The following PLCXD1 variants were observed in gnomAD, a reference collection of about 807,000 sequenced individuals.
PLCXD1 encodes phosphatidylinositol specific phospholipase C X domain containing 1.
In PLCXD1, 45 loss-of-function variants were observed where a neutral mutation model predicts 37.8. The ratio of observed to expected loss-of-function variants is 1.19; its 90% CI spans 0.94 to 1.53. The LOEUF is 1.53. Among genes scored for constraint, PLCXD1 ranks in the 40% most tolerant of loss-of-function variants. The pLI, the probability that PLCXD1 is intolerant of heterozygous loss-of-function variation, is 0.00. For synonymous variants in PLCXD1, 246 were observed against 206.9 expected, an observed-to-expected ratio of 1.19 and a Z score of -1.62; for missense variants, 539 against 454.7, an observed-to-expected ratio of 1.19 and a Z score of -1.69.
At chrX:282,534 G>A (rs1450255339) in intron 1 of PLCXD1, among the ~76,000 whole-genome samples, 3 of 149,882 alleles carry the variant, frequency 2.0e-5, no homozygotes, top group East Asian at 2.0e-4. Flanking sequence ...GTGAAACCCC[G>A]TCTCTACCAA....
At chrX:290,593 G>C (rs1455245954) in intron 3 of PLCXD1, 55 bp from the exon 4 acceptor site, 16 of 1,601,828 alleles carry the variant, frequency 1.0e-5, no homozygotes, top group Non-Finnish European at 1.3e-5. Context: ...CCATTCCTGA[G>C]CCCCCCAGAC....
chrX:296,372 C>T (rs1364661507), intron 6 of PLCXD1, among the ~76,000 whole-genome samples: 1 of 152,130 alleles, frequency 6.6e-6, no homozygotes, highest in African/African-American at 2.4e-5. Flanking sequence ...ATCCACCGGC[C>T]TCAACCTCTC....
intron 2 of PLCXD1, among the ~76,000 whole-genome samples, chrX:287,473 T>C (rs963475523): frequency 7.6e-6 from 1 of 131,836 alleles, no homozygotes; most frequent in Admixed American, 7.8e-5. Flanking sequence ...GAATATATAC[T>C]ATATATGTTT....
In PLCXD1 at chrX:284,167, G is replaced by A. The variant is rs371752242; in HGVS notation, c.-21G>A. ...CTCTTTTCCTCTTCTCCTTCCTCAG[G>A]TTGCCCAGGGCTCACCTCTGATGGG... On this transcript the variant is annotated splice_region_variant and 5_prime_UTR_variant, in exon 2 of 7. Coordinates refer to ENST00000381657, the MANE Select transcript of PLCXD1 (RefSeq NM_018390.4). 1.2e-6 allele frequency: 2 copies of A among 1,612,320 alleles called. No individual in the cohort carries two copies. Among genetic ancestry groups the A allele is most frequent in the Middle Eastern group, 2.0e-4 (1 of 5,102 alleles).
In PLCXD1 at chrX:293,039, T is replaced by C. The variant is rs778974032; in HGVS notation, c.554T>C (p.Val185Ala). Residue 185 changes from valine (V) to alanine (A), a missense_variant, in exon 6 of 7, where the codon GTG (valine) becomes GCG (alanine). Coordinates refer to ENST00000381657, the MANE Select transcript of PLCXD1 (RefSeq NM_018390.4). ...CTTAACTCTGGTCCTTTGCAGGAGG[T>C]GCCGACACTGCGGCAGCTGTGGTCC... is the stretch of plus-strand genomic sequence containing the variant. ...FGDMLCPRGE[V>A]PTLRQLWSRG... 1 of 1,606,010 alleles carries C rather than the reference T, an allele frequency of 6.2e-7. No homozygotes were observed. The highest frequency in any genetic ancestry group is 8.5e-7 in the Non-Finnish European group (1 of 1,175,592).
upstream of PLCXD1, chrX:281,102 G>T (rs867843683): frequency 1.5e-5 from 1 of 65,066 alleles, no homozygotes; most frequent in Non-Finnish European, 3.1e-5. Context: ...GGGGAGGGGG[G>T]GCCGTGCAGG....
At position 285,396 on chromosome X, in the gene PLCXD1, G is replaced by A. The variant is rs968884982; in HGVS notation, c.127+1082G>A. On this transcript the variant is annotated intron_variant, in intron 2 of 6. Transcript: ENST00000381657. ...CATGTATATATATATTTGCACCTAT[G>A]CACACATATATACACCTGCAGATAT... Among the ~76,000 whole-genome samples, 6 of 150,252 alleles carry A rather than the reference G, an allele frequency of 4.0e-5. No homozygotes were observed. In the East Asian group the frequency reaches 1.2e-3, roughly 30 times the overall value.
chrX:283,375 G>A (rs2069336912), intron 1 of PLCXD1: 1 of 152,154 alleles, frequency 6.6e-6, no homozygotes, highest in African/African-American at 2.4e-5. Context: ...TACGGTGCCT[G>A]GAGGAGGCGT....
At position 300,688 on chromosome X, in the gene PLCXD1, A is replaced by G. The variant is rs1000481119; in HGVS notation, c.*1353A>G. On this transcript the variant is annotated 3_prime_UTR_variant, in exon 7 of 7. Transcript: ENST00000381657. The stretch of plus-strand genomic sequence containing the variant: ...CGTATACATATATACGTGCGTGTGT[A>G]TGTGTATATATATATATGTGTATAT... 2 of 151,678 alleles carry G rather than the reference A, an allele frequency of 1.3e-5. No homozygotes were observed. The highest frequency in any genetic ancestry group is 2.1e-4 in the South Asian group (1 of 4,816). The allele number at this position is 151,678 out of a possible 1,614,324, so 9.4% of individuals were successfully genotyped here. A position where few individuals can be genotyped will look rare whatever the true frequency, so the allele number is the denominator to read the frequency against.
chrX:280,333 G>C (rs2069237772), upstream of PLCXD1, among the ~76,000 whole-genome samples: 4 of 102,054 alleles, frequency 3.9e-5, no homozygotes, highest in East Asian at 3.0e-4. Flanking sequence ...CGTGCAGGGG[G>C]AGGGGAGGCC....
chrX:295,852 T>A (rs1032823489), intron 6 of PLCXD1, among the ~76,000 whole-genome samples: 1 of 151,398 alleles, frequency 6.6e-6, no homozygotes, highest in African/African-American at 2.4e-5. Flanking sequence ...TGTGTGTTTG[T>A]TTTTTGAGAC....
At chrX:293,978 TA>T (rs1430819714) in intron 6 of PLCXD1, among the ~76,000 whole-genome samples, 4 of 152,214 alleles carry the variant, frequency 2.6e-5, no homozygotes, top group African/African-American at 7.2e-5. Context: ...GAATCCACTT[TA>T]TTTTTTTTAG....
Position 299,606 on chromosome X carries a change from A to C in PLCXD1, c.*271A>C. ...AATCCCATCTCTACTAAAAATACAA[A>C]ACTTAGCTGGGTGTGTGGCAGGCGC... is the stretch of plus-strand genomic sequence containing the variant. On this transcript the variant is annotated 3_prime_UTR_variant, in exon 7 of 7. Transcript: ENST00000381657. 2 of 546,204 alleles carry C rather than the reference A, an allele frequency of 3.7e-6. No individual in the cohort carries two copies. The highest frequency in any genetic ancestry group is 3.3e-6 in the Non-Finnish European group (1 of 305,978). 33.8% of individuals were successfully genotyped at this position (546,204 alleles called of 1,614,324 possible).
Position 299,226 on chromosome X carries a change from G to T in PLCXD1, c.863G>T (p.Cys288Phe), listed in dbSNP as rs764961417. 44 of 1,613,778 alleles carry T rather than the reference G, an allele frequency of 2.7e-5. 2 individuals carry two copies. The South Asian group carries it at 4.2e-4, about 15-fold the overall frequency. The change falls in exon 7 of 7, where the codon TGC (cysteine) becomes TTC (phenylalanine). Residue 288 changes from cysteine to phenylalanine, a missense_variant. By Grantham distance (205) the Cys-to-Phe change is radical (BLOSUM62 -2). Transcript: ENST00000381657. ...CTGAGCGCGTGGGTCCGAGAGCAGT[G>T]CCCGGGGCCGGGTTCACGGTGCACC... ...PRLSAWVREQ[C>F]PGPGSRCTNI...
Position 290,670 on chromosome X carries a change from T to G in PLCXD1, c.287T>G (p.Leu96Arg), listed in dbSNP as rs760288136. The G allele has an allele frequency of 1.9e-6, 3 of 1,613,774 alleles. 1 individual carries two copies. The highest frequency in any genetic ancestry group is 2.5e-6 in the Non-Finnish European group (3 of 1,179,794). The change falls in exon 4 of 7, where the codon CTG (leucine) becomes CGG (arginine). Residue 96 changes from leucine to arginine, a missense_variant. Physicochemically the swap from Leu to Arg is moderately radical, Grantham distance 102. Transcript: ENST00000381657. ...CAGGCACTGGACGTCACAGAGCAGC[T>G]GGATGCCGGGGTGCGGTACCTGGAC... Reference protein sequence around the residue: ...VTQALDVTEQLDAGVRYLDLR... With the variant: ...VTQALDVTEQRDAGVRYLDLR...
At chrX:282,155 T>C (rs2069292566) in intron 1 of PLCXD1, among the ~76,000 whole-genome samples, 1 of 152,210 alleles carries the variant, frequency 6.6e-6, no homozygotes, top group African/African-American at 2.4e-5. Context: ...ACAATTCTAA[T>C]TGATTTGATT....
chrX:289,316 T>C (rs1287632077), intron 3 of PLCXD1, among the ~76,000 whole-genome samples: 1 of 151,984 alleles, frequency 6.6e-6, no homozygotes, highest in Admixed American at 6.6e-5. Flanking sequence ...CTTGATCTCC[T>C]GACCTCATGA....
At chrX:295,487 G>A (rs143725356) in intron 6 of PLCXD1, among the ~76,000 whole-genome samples, 385 of 142,794 alleles carry the variant, frequency 2.7e-3, no homozygotes, top group African/African-American at 9.0e-3. Context: ...TTGGTCTCTT[G>A]CCCTCACACA....
intron 6 of PLCXD1, among the ~76,000 whole-genome samples, chrX:293,634 T>C (rs1279868607): frequency 6.6e-6 from 1 of 152,102 alleles, no homozygotes; most frequent in Admixed American, 6.5e-5. Context: ...CCATGTACAT[T>C]GGCGGGGGGA....
Sources: gnomAD v4.1 joint callset for allele counts (sites outside exome capture counted in the v4.1 genomes callset) on GRCh38, gnomAD v4.1.1 for gene constraint, MANE v1.5 for transcripts, NCBI Gene and HGNC (gene_info 2026-07-23, HGNC 2026-07-21) for gene names.